Variants in LRPPRC observed in about 807,000 individuals in gnomAD.
LRPPRC encodes leucine rich pentatricopeptide repeat containing, also known as leucine-rich PPR motif-containing protein, mitochondrial.
LRPPRC carries 120 observed loss-of-function variants against 180.3 expected under a neutral mutation model. The observed-to-expected ratio is 0.67, with a 90% CI of 0.57 to 0.77. The LOEUF is 0.77. Among genes scored for constraint, LRPPRC ranks in the 30% least tolerant of loss-of-function variants. LRPPRC has a pLI of 0.00. For synonymous variants in LRPPRC, 723 were observed against 600.0 expected (o/e 1.21, Z -3.00); for missense variants, 2,012 against 1,657.2 (o/e 1.21, Z -3.72).
chr2:43,969,135 G>C (rs144793850), intron 11 of LRPPRC, among the ~76,000 whole-genome samples: 1 of 152,136 alleles, frequency 6.6e-6, no homozygotes, highest in Non-Finnish European at 1.5e-5. Flanking sequence ...GTCTCAGTCC[G>C]GGCGCAGAGG....
chr2:43,899,776 T>C (rs544350817), intron 32 of LRPPRC, 171 bp from the exon 33 acceptor site: 4 of 601,092 alleles, frequency 6.7e-6, no homozygotes, highest in South Asian at 2.0e-5. Context: ...CTGAATCACA[T>C]TTAAGTAGCA....
chr2:43,900,307 T>C (rs577433553), intron 32 of LRPPRC, among the ~76,000 whole-genome samples: 2 of 152,240 alleles, frequency 1.3e-5, no homozygotes, highest in African/African-American at 4.8e-5. Flanking sequence ...CTATAATGGA[T>C]ACTTTACTGT....
At chr2:43,897,278 TAAA>T (rs775337135) in intron 34 of LRPPRC, among the ~76,000 whole-genome samples, 51 of 147,980 alleles carry the variant, frequency 3.4e-4, no homozygotes, top group Admixed American at 8.8e-4. Flanking sequence ...AAAGTTAAAC[TAAA>T]AAAAAAAGTT....
intron 11 of LRPPRC, among the ~76,000 whole-genome samples, chr2:43,964,041 G>A (rs1673460928): frequency 6.6e-6 from 1 of 152,148 alleles, no homozygotes; most frequent in Non-Finnish European, 1.5e-5. Flanking sequence ...GAGCAATGAT[G>A]GACTTGTACA....
intron 30 of LRPPRC, among the ~76,000 whole-genome samples, chr2:43,907,060 C>T (rs138487424): frequency 4.2e-4 from 64 of 152,282 alleles, no homozygotes; most frequent in African/African-American, 1.5e-3. Flanking sequence ...AATATTATTA[C>T]ATGTATTATA....
At chr2:43,957,352 T>TCA (rs1361096574) in intron 14 of LRPPRC, 33 bp downstream of exon 14, 2 of 1,481,906 alleles carry the variant, frequency 1.3e-6, no homozygotes, top group Non-Finnish European at 1.9e-6. Flanking sequence ...CAGTCCATGT[T>TCA]CAGGCAAGGA....
At chr2:43,899,930 T>C (rs1670826258) in intron 32 of LRPPRC, among the ~76,000 whole-genome samples, 1 of 152,214 alleles carries the variant, frequency 6.6e-6, no homozygotes, top group South Asian at 2.1e-4. Context: ...CTTTTAAAAT[T>C]CTGTATCTTA....
intron 3 of LRPPRC, among the ~76,000 whole-genome samples, chr2:43,978,053 G>C (rs1186148389): frequency 5.3e-5 from 8 of 152,090 alleles, no homozygotes; most frequent in Admixed American, 1.3e-4. Context: ...TATCTTAACA[G>C]ATATGTTTCT....
intron 5 of LRPPRC, 112 bp from the exon 6 acceptor site, chr2:43,976,341 T>A (rs1674053846): frequency 2.9e-6 from 2 of 683,032 alleles, no homozygotes; most frequent in Non-Finnish European, 5.2e-6. Flanking sequence ...AATAGTAATA[T>A]ACATTTGTTT....
intron 29 of LRPPRC, among the ~76,000 whole-genome samples, chr2:43,917,669 G>C (rs897556511): frequency 1.3e-5 from 2 of 151,988 alleles, no homozygotes; most frequent in Non-Finnish European, 2.9e-5. Flanking sequence ...GACACCTGTA[G>C]TCCCAGCTAC....
chr2:43,955,474 GAAAAAAAA>G (rs200193004), intron 14 of LRPPRC, among the ~76,000 whole-genome samples: 25 of 115,272 alleles, frequency 2.2e-4, no homozygotes, highest in Admixed American at 1.7e-3. Context: ...GTCTCAAAAA[GAAAAAAAA>G]AAAAAAAAAA....
chr2:43,929,280 T>C (rs867823954), intron 25 of LRPPRC, among the ~76,000 whole-genome samples: 1 of 152,196 alleles, frequency 6.6e-6, no homozygotes, highest in Non-Finnish European at 1.5e-5. Flanking sequence ...TCAAAATAAT[T>C]ACAGTAATAC....
At position 43,955,688 on chromosome 2, in the gene LRPPRC, TGATTAACCCACTGCACTCTGGCC is replaced by T. The variant is rs556607334; in HGVS notation, c.1649+1674_1649+1696del. Among the ~76,000 whole-genome samples, 166 of 152,044 alleles carry T rather than the reference TGATTAACCCACTGCACTCTGGCC, an allele frequency of 1.1e-3. 2 individuals carry two copies. Among genetic ancestry groups the T allele is most frequent in the African/African-American group, 4.0e-3 (166 of 41,482 alleles). On this transcript the variant is annotated intron_variant, in intron 14 of 37. Coordinates refer to ENST00000260665, the MANE Select transcript of LRPPRC (RefSeq NM_133259.4). ...CCGGGAGGTAAAGGCTGCAGTAGGC[TGATTAACCCACTGCACTCTGGCC>T]TTGGGGACAGAGCGAGACCCTATCT...
chr2:43,949,689 G>C, intron 15 of LRPPRC, 30 bp from the exon 16 acceptor site: 1 of 1,425,118 alleles, frequency 7.0e-7, no homozygotes, highest in Non-Finnish European at 9.9e-7. Flanking sequence ...GTGCATTGCA[G>C]CAAGAGAAGC....
intron 23 of LRPPRC, among the ~76,000 whole-genome samples, chr2:43,941,948 A>G (rs1229951348): frequency 6.6e-6 from 1 of 152,138 alleles, no homozygotes; most frequent in Non-Finnish European, 1.5e-5. Flanking sequence ...AAAAGACACT[A>G]ATTTAGATTT....
rs1672571034 is a variant in LRPPRC, at chr2:43,943,677, A to G, written c.2504+10T>C. On this transcript the variant is annotated intron_variant, in intron 23 of 37. Coordinates refer to ENST00000260665, the MANE Select transcript of LRPPRC (RefSeq NM_133259.4). ...GCCAACATTTAAAATTCAAAATTCA[A>G]TTAACTTACTTTTCCAAGTGTACAG... The G allele has an allele frequency of 6.2e-7, 1 of 1,607,110 alleles. No individual in the cohort carries two copies. Among genetic ancestry groups the G allele is most frequent in the African/African-American group, 1.3e-5 (1 of 74,796 alleles).
chr2:43,986,185 C>A (rs1481151116), intron 1 of LRPPRC, among the ~76,000 whole-genome samples: 1 of 152,112 alleles, frequency 6.6e-6, no homozygotes, highest in Non-Finnish European at 1.5e-5. Flanking sequence ...GACTGGAGTA[C>A]AATGGCGCGA....
intron 1 of LRPPRC, among the ~76,000 whole-genome samples, chr2:43,984,113 T>C (rs547809598): frequency 1.3e-5 from 2 of 152,218 alleles, no homozygotes; most frequent in East Asian, 1.9e-4. Context: ...AAAAGGCATT[T>C]ATCTAGTTGC....
At chr2:43,945,836 C>T (rs988378124) in intron 21 of LRPPRC, among the ~76,000 whole-genome samples, 1 of 152,094 alleles carries the variant, frequency 6.6e-6, no homozygotes, top group East Asian at 1.9e-4. Flanking sequence ...AAAACAGTTA[C>T]CACCATCACC....
Sources: gnomAD v4.1 joint callset for allele counts (sites outside exome capture counted in the v4.1 genomes callset) on GRCh38, gnomAD v4.1.1 for gene constraint, MANE v1.5 for transcripts, NCBI Gene and HGNC (gene_info 2026-07-23, HGNC 2026-07-21) for gene names.